Variants in QRICH1 observed in about 807,000 individuals in gnomAD.
The protein encoded by QRICH1 is glutamine rich 1, also known as transcriptional regulator QRICH1.
In QRICH1, 16 loss-of-function variants were observed where a neutral mutation model predicts 87.1. That is an observed-to-expected ratio of 0.18 (90% CI 0.12 to 0.28). The LOEUF is 0.28. Among genes scored for constraint, QRICH1 ranks in the 10% least tolerant of loss-of-function variants. The pLI, the probability that QRICH1 is intolerant of heterozygous loss-of-function variation, is 1.00. For synonymous variants in QRICH1, 367 were observed against 368.4 expected (o/e 1.00, Z 0.05); for missense variants, 647 against 951.7 (o/e 0.68, Z 4.21).
chr3:49,085,016 G>A (rs1357644441), intron 1 of QRICH1, among the ~76,000 whole-genome samples: 8 of 149,206 alleles, frequency 5.4e-5, no homozygotes. Flanking sequence ...GGTGTTGGGC[G>A]CCTGTAGTCC....
chr3:49,090,638 AAAAAAAG>A (rs1221255347), intron 1 of QRICH1, among the ~76,000 whole-genome samples: 20 of 151,540 alleles, frequency 1.3e-4, no homozygotes, highest in African/African-American at 4.6e-4. Flanking sequence ...CAAAAAAAAA[AAAAAAAG>A]AGAAAAGAGA....
At position 49,093,045 on chromosome 3, in the gene QRICH1, G is replaced by A. The variant is rs543097533; in HGVS notation, c.-22+867C>T. ...GAATTCCCTTCCGGAGCGCACAGAG[G>A]TGACGTGTATGAATTACGCTTATGG... On this transcript the variant is annotated intron_variant, in intron 1 of 9. Transcript: ENST00000395443. Among the ~76,000 whole-genome samples the A allele has an allele frequency of 1.5e-4, 23 of 152,292 alleles. No individual in the cohort carries two copies. The South Asian group carries it at 4.6e-3, about 30-fold the overall frequency.
rs1268080281 is a variant in QRICH1, at chr3:49,056,937, C to G, written c.1263G>C (p.Gln421His). ...GTTCCTGGGGAGTTTGCTGCTGCGG[C>G]TGCTGTTGGGGGTCCCATATATGGA... ...QTVHIWDPQQ[Q>H]PQQQTPQEQT... Residue 421 changes from glutamine to histidine, a missense_variant, in exon 3 of 10, where the codon CAG becomes CAC. Gln to His is a conservative substitution (Grantham distance 24, BLOSUM62 0). This residue lies in a region of QRICH1 where 115 missense variants were observed against 126.8 expected (regional missense o/e 0.91). Coordinates refer to ENST00000395443, the MANE Select transcript of QRICH1 (RefSeq NM_198880.3). 1.9e-6 allele frequency: 3 copies of G among 1,614,156 alleles called. No homozygotes were observed. Among genetic ancestry groups the G allele is most frequent in the Non-Finnish European group, 2.5e-6 (3 of 1,180,030 alleles).
intron 2 of QRICH1, among the ~76,000 whole-genome samples, chr3:49,075,757 T>TGGGGAAACCCAGTCTGTATTAAAA (rs2041938697): frequency 6.6e-6 from 1 of 152,000 alleles, no homozygotes; most frequent in African/African-American, 2.4e-5. Flanking sequence ...AAGCCCAACA[T>TGGGGAAACCCAGTCTGTATTAAAA]GGGGAAACCC....
intron 1 of QRICH1, among the ~76,000 whole-genome samples, chr3:49,080,072 C>T (rs1215122765): frequency 1.3e-5 from 2 of 149,722 alleles, no homozygotes; most frequent in African/African-American, 2.5e-5. Flanking sequence ...GATCCGGTAA[C>T]ATTAGAAAGT....
chr3:49,055,641 G>A (rs1023871848), intron 3 of QRICH1, among the ~76,000 whole-genome samples: 1 of 152,096 alleles, frequency 6.6e-6, no homozygotes, highest in Admixed American at 6.6e-5. Context: ...GGGATTACAG[G>A]CAACTGCCAC....
In QRICH1 at chr3:49,073,760, T is replaced by C. The variant is rs564412944; in HGVS notation, c.309+2949A>G. Among the ~76,000 whole-genome samples the C allele has an allele frequency of 1.4e-4, 21 of 151,608 alleles. No homozygotes were observed. In the South Asian group the frequency reaches 4.2e-3, roughly 30 times the overall value. On this transcript the variant is annotated intron_variant, in intron 2 of 9. Coordinates refer to ENST00000395443, the MANE Select transcript of QRICH1 (RefSeq NM_198880.3). ...CTCCCAGGCTCAAGCGATTCTCCCA[T>C]CTCGGCCTCCCTAGTAGCTAAGACC...
intron 2 of QRICH1, among the ~76,000 whole-genome samples, chr3:49,060,875 A>C (rs2093430617): frequency 6.6e-6 from 1 of 151,908 alleles, no homozygotes. Context: ...TCACACCTGT[A>C]ATCCCAGTAC....
intron 3 of QRICH1, among the ~76,000 whole-genome samples, chr3:49,049,118 G>A (rs1466784245): frequency 1.3e-5 from 2 of 151,768 alleles, no homozygotes; most frequent in South Asian, 2.1e-4. Flanking sequence ...CTTGCTGGCT[G>A]GTATCGAACT....
At chr3:49,077,864 T>C (rs1455005776) in intron 1 of QRICH1, among the ~76,000 whole-genome samples, 1 of 152,194 alleles carries the variant, frequency 6.6e-6, no homozygotes, top group Non-Finnish European at 1.5e-5. Flanking sequence ...TAAATAGTGC[T>C]TTAAATATCC....
chr3:49,065,604 A>C (rs990946551), intron 2 of QRICH1, among the ~76,000 whole-genome samples: 5 of 152,212 alleles, frequency 3.3e-5, no homozygotes, highest in Admixed American at 6.5e-5. Context: ...AAGGCAAATT[A>C]ATACATTGGC....
At chr3:49,085,961 T>C (rs2042159853) in intron 1 of QRICH1, among the ~76,000 whole-genome samples, 1 of 152,016 alleles carries the variant, frequency 6.6e-6, no homozygotes, top group Non-Finnish European at 1.5e-5. Flanking sequence ...ATAAAGAAAT[T>C]AATTAAAGTA....
intron 3 of QRICH1, among the ~76,000 whole-genome samples, chr3:49,053,689 T>C (rs186820089): frequency 6.6e-6 from 1 of 151,878 alleles, no homozygotes; most frequent in East Asian, 1.9e-4. Flanking sequence ...TTTAGAGTTC[T>C]GGCAATAAAG....
intron 1 of QRICH1, among the ~76,000 whole-genome samples, chr3:49,077,933 C>A (rs2041982410): frequency 1.3e-5 from 2 of 152,036 alleles, no homozygotes; most frequent in Admixed American, 6.6e-5. Flanking sequence ...ATTTAATTAC[C>A]TTAAGAATTA....
chr3:49,090,576 C>G (rs1361020145), intron 1 of QRICH1, among the ~76,000 whole-genome samples: 1 of 144,938 alleles, frequency 6.9e-6, no homozygotes, highest in Non-Finnish European at 1.5e-5. Flanking sequence ...TGCAGTGAGC[C>G]GAAATCGTGC....
In QRICH1 at chr3:49,076,942, T is replaced by G; in HGVS notation, c.76A>C (p.Arg26=). 8 of 1,610,328 alleles carry G rather than the reference T, an allele frequency of 5.0e-6. No homozygotes were observed. The highest frequency in any genetic ancestry group is 6.8e-6 in the Non-Finnish European group (8 of 1,177,702). Residue 26 remains arginine (R), a synonymous_variant, in exon 2 of 10, where the codon AGG becomes CGG. Transcript: ENST00000395443. ...RVKARSVPQH[R]MKEFLDSLAS... ...AGTGAGTCCAGAAATTCCTTCATCC[T>G]GTGTTGCGGGACAGACCGTGCCTTT...
intron 5 of QRICH1, among the ~76,000 whole-genome samples, 174 bp downstream of exon 5, chr3:49,046,251 T>C (rs1209550726): frequency 6.8e-6 from 1 of 147,492 alleles, no homozygotes; most frequent in Non-Finnish European, 1.5e-5. Context: ...AACGTGTAGG[T>C]TTTTAAAACT....
At position 49,057,315 on chromosome 3, in the gene QRICH1, G is replaced by A; in HGVS notation, c.885C>T (p.Tyr295=). The change falls in exon 3 of 10, where the codon TAC becomes TAT. Residue 295 remains tyrosine, a synonymous_variant. Transcript: ENST00000395443. The surrounding 1 kb of genome is among the most constrained non-coding windows in gnomAD (Gnocchi z 5.4). The part of the protein sequence containing the change: ...DLLTVDSAHL[Y]SATGTITSPT... Reference sequence around the variant, plus strand: ...GGCTAGTAATGGTCCCAGTGGCACTGTACAGGTGGGCACTGTCTACTGTCA... The same window carrying A: ...GGCTAGTAATGGTCCCAGTGGCACTATACAGGTGGGCACTGTCTACTGTCA... 2 of 1,614,232 alleles carry A rather than the reference G, an allele frequency of 1.2e-6. No individual in the cohort carries two copies. The highest frequency in any genetic ancestry group is 1.7e-6 in the Non-Finnish European group (2 of 1,180,044).
At chr3:49,032,567 G>A in intron 8 of QRICH1, 55 bp downstream of exon 8, 1 of 1,500,104 alleles carries the variant, frequency 6.7e-7, no homozygotes, top group Non-Finnish European at 9.0e-7. Flanking sequence ...CACAAGGGCA[G>A]GACAGGGCAG....
Sources: allele counts gnomAD v4.1 joint callset (sites outside exome capture counted in the v4.1 genomes callset), GRCh38; gene constraint gnomAD v4.1.1; regional missense constraint gnomAD v4.1.1; non-coding constraint Gnocchi (gnomAD v3.1); transcripts MANE v1.5; gene names NCBI Gene and HGNC (gene_info 2026-07-23, HGNC 2026-07-21).